Variants in GPC3 observed in about 807,000 individuals in gnomAD.
GPC3 encodes glypican 3.
Under a neutral mutation model 34.4 loss-of-function variants are expected in GPC3, and 3 were observed. The ratio of observed to expected loss-of-function variants is 0.09; its 90% CI spans 0.04 to 0.23. GPC3 has a LOEUF of 0.23. Among genes scored for constraint, GPC3 ranks in the 10% least tolerant of loss-of-function variants. The pLI is 1.00. For missense variants in GPC3, 351 were observed against 445.6 expected (o/e 0.79, Z 1.91); for synonymous variants, 177 against 174.0 (o/e 1.02, Z -0.13).
intron 7 of GPC3, among the ~76,000 whole-genome samples, chrX:133,576,861 G>C: frequency 9.1e-6 from 1 of 109,361 alleles, no homozygotes; most frequent in Non-Finnish European, 1.9e-5. Flanking sequence ...AAGAATTGAA[G>C]ACATCACAAG....
chrX:133,882,616 G>C (rs182069219), intron 2 of GPC3, among the ~76,000 whole-genome samples: 69 of 110,321 alleles, frequency 6.3e-4, no homozygotes, highest in African/African-American at 2.2e-3. Context: ...GTCACAGAGA[G>C]TTTACTGGAA....
chrX:133,950,981 A>G (rs1463839892), intron 2 of GPC3, among the ~76,000 whole-genome samples: 2 of 109,744 alleles, frequency 1.8e-5, no homozygotes, highest in South Asian at 4.0e-4. Context: ...TAGCTCAGAC[A>G]TAATTTCATT....
chrX:133,612,486 A>T (rs896960614), intron 6 of GPC3, among the ~76,000 whole-genome samples: 1 of 112,050 alleles, frequency 8.9e-6, no homozygotes, highest in African/African-American at 3.2e-5. Flanking sequence ...AGTCTAGCTG[A>T]CAGGGAAACA....
chrX:133,889,768 C>G (rs986720252), intron 2 of GPC3, among the ~76,000 whole-genome samples: 1 of 106,976 alleles, frequency 9.3e-6, no homozygotes, highest in Non-Finnish European at 1.9e-5. Flanking sequence ...ACCCCCACCC[C>G]CCGACCATAA....
At position 133,863,763 on chromosome X, in the gene GPC3, C is replaced by A. The variant is rs766450005; in HGVS notation, c.337+89287G>T. The stretch of plus-strand genomic sequence containing the variant: ...CTCCGCTTCCCGGGTTCACGCCATT[C>A]TCCTGCCTCAGCCTCCCGAGTAGCT... On this transcript the variant is annotated intron_variant, in intron 2 of 7. Transcript: ENST00000370818. 4.8e-4 allele frequency among the ~76,000 whole-genome samples: 49 copies of A among 101,403 alleles called. 2 individuals are homozygous for A. In the East Asian group the frequency reaches 0.011, roughly 22 times the overall value. The allele number at this position is 101,403 out of a possible 115,157, so 88.1% of individuals were successfully genotyped here.
At chrX:133,876,627 A>G (rs1411472480) in intron 2 of GPC3, among the ~76,000 whole-genome samples, 1 of 112,400 alleles carries the variant, frequency 8.9e-6, no homozygotes, top group African/African-American at 3.2e-5. Context: ...CTATCCTCAG[A>G]CAAAAAAGGC....
intron 2 of GPC3, among the ~76,000 whole-genome samples, chrX:133,918,415 A>T (rs1250889606): frequency 8.9e-6 from 1 of 112,479 alleles, no homozygotes; most frequent in Non-Finnish European, 1.9e-5. Context: ...AAGAGTTCAT[A>T]TCACTTGGCT....
intron 7 of GPC3, among the ~76,000 whole-genome samples, chrX:133,562,284 A>C (rs2069544685): frequency 9.0e-6 from 1 of 111,629 alleles, no homozygotes; most frequent in South Asian, 3.8e-4. Context: ...AGTTCCCCTT[A>C]GAGGTATCAG....
intron 2 of GPC3, among the ~76,000 whole-genome samples, chrX:133,913,053 C>CA (rs1288887225): frequency 0.03 from 1,026 of 33,810 alleles, 8 homozygotes; most frequent in South Asian, 0.081. Context: ...GACTCCGTCT[C>CA]AAAAAAAAAA....
intron 2 of GPC3, among the ~76,000 whole-genome samples, chrX:133,941,925 G>T (rs1603276145): frequency 8.9e-6 from 1 of 111,831 alleles, no homozygotes; most frequent in African/African-American, 3.2e-5. Flanking sequence ...GAATATTAGT[G>T]AGAAAAATCA....
At chrX:133,840,744 A>G (rs1480813379) in intron 2 of GPC3, among the ~76,000 whole-genome samples, 1 of 111,149 alleles carries the variant, frequency 9.0e-6, no homozygotes, top group African/African-American at 3.3e-5. Context: ...CAAAGGAGAA[A>G]GCTGAAGTTA....
At chrX:133,744,044 T>C (rs1278210973) in intron 3 of GPC3, among the ~76,000 whole-genome samples, 4 of 111,834 alleles carry the variant, frequency 3.6e-5, no homozygotes, top group East Asian at 2.8e-4. Flanking sequence ...ACGTAAAACC[T>C]AAAACCATAA....
intron 2 of GPC3, among the ~76,000 whole-genome samples, chrX:133,822,299 C>G (rs759385934): frequency 9.0e-6 from 1 of 111,545 alleles, no homozygotes; most frequent in African/African-American, 3.3e-5. Flanking sequence ...TTCATGTAAC[C>G]TTTATTTTAC....
intron 5 of GPC3, among the ~76,000 whole-genome samples, chrX:133,690,505 C>T (rs2071050793): frequency 9.0e-6 from 1 of 111,320 alleles, no homozygotes; most frequent in East Asian, 2.8e-4. Flanking sequence ...GCTCCAAAGC[C>T]TTCCTCTTTG....
chrX:133,825,917 T>A (rs2075743769), intron 2 of GPC3, among the ~76,000 whole-genome samples: 1 of 111,797 alleles, frequency 8.9e-6, no homozygotes, highest in Non-Finnish European at 1.9e-5. Flanking sequence ...AAAATCTCTG[T>A]CCAATCATTC....
At chrX:133,865,570 AC>A (rs1470091373) in intron 2 of GPC3, among the ~76,000 whole-genome samples, 1 of 112,184 alleles carries the variant, frequency 8.9e-6, no homozygotes, top group African/African-American at 3.2e-5. Context: ...GGTTGCTGCA[AC>A]AAAAATCTAT....
intron 6 of GPC3, among the ~76,000 whole-genome samples, chrX:133,629,898 T>C (rs2070347718): frequency 9.2e-6 from 1 of 108,592 alleles, no homozygotes; most frequent in African/African-American, 3.4e-5. Flanking sequence ...CTACTAAAAA[T>C]ACAAAATTAG....
intron 6 of GPC3, 44 bp from the exon 7 acceptor site, chrX:133,596,643 C>T: frequency 2.6e-6 from 3 of 1,141,642 alleles, no homozygotes; most frequent in Non-Finnish European, 3.6e-6. Flanking sequence ...TCATATTTCT[C>T]AGGTGGGTCT....
At chrX:133,604,632 AT>A (rs200603116) in intron 6 of GPC3, among the ~76,000 whole-genome samples, 10 of 111,921 alleles carry the variant, frequency 8.9e-5, no homozygotes, top group African/African-American at 3.3e-4. Context: ...TTTAAAAAAA[AT>A]AAAGGGATAA....
Sources: allele counts gnomAD v4.1 joint callset (sites outside exome capture counted in the v4.1 genomes callset), GRCh38; gene constraint gnomAD v4.1.1; transcripts MANE v1.5; gene names NCBI Gene and HGNC (gene_info 2026-07-23, HGNC 2026-07-21).